The following FBN3 variants were observed in gnomAD, a reference collection of about 807,000 sequenced individuals.
FBN3 encodes the protein fibrillin-3.
In FBN3, 234 loss-of-function variants were observed where a neutral mutation model predicts 330.1. The observed-to-expected ratio is 0.71, with a 90% CI of 0.64 to 0.79. FBN3 has a LOEUF of 0.79. FBN3 is among the 30% of genes least tolerant of loss of function. FBN3 has a pLI of 0.00. For missense variants in FBN3, 3,606 were observed against 3,886.9 expected (o/e 0.93, Z 1.92); for synonymous variants, 1,458 against 1,517.3 (o/e 0.96, Z 0.91).
chr19:8,127,048 GTTTTTTTTTTGTTTTT>G (rs1419864048), intron 18 of FBN3, among the ~76,000 whole-genome samples: 4 of 113,916 alleles, frequency 3.5e-5, no homozygotes, highest in Admixed American at 1.0e-4. Context: ...ATGCCAAACT[GTTTTTTTTTTGTTTTT>G]TTTTTTTTTT....
At chr19:8,083,800 T>TTTTGC (rs2081865672) in intron 56 of FBN3, among the ~76,000 whole-genome samples, 1 of 129,860 alleles carries the variant, frequency 7.7e-6, no homozygotes, top group Non-Finnish European at 1.8e-5. Context: ...GTCCTACTAT[T>TTTTGC]TTTTCTTTTT....
intron 37 of FBN3, among the ~76,000 whole-genome samples, chr19:8,106,922 A>G (rs1568403536): frequency 6.6e-6 from 1 of 150,596 alleles, no homozygotes; most frequent in Non-Finnish European, 1.5e-5. Context: ...GAATAGATGG[A>G]TAGAAGAATG....
intron 13 of FBN3, 84 bp from the exon 14 acceptor site, chr19:8,133,190 C>T (rs1275406710): frequency 2.8e-6 from 4 of 1,448,452 alleles, no homozygotes; most frequent in Non-Finnish European, 3.7e-6. Context: ...AGGGCTGACC[C>T]CCCAGGATCC....
In FBN3 at chr19:8,082,813, T is replaced by G. The variant is rs2081838033; in HGVS notation, c.7213+434A>C. On this transcript the variant is annotated intron_variant, in intron 57 of 63. Transcript: ENST00000600128. ...CTGGCCTGTTTTTTTTTTTCTTTCT[T>G]TCTTTTCTTTTGTTTTTCATTTTTT... Among the ~76,000 whole-genome samples, 3 of 151,608 alleles carry G rather than the reference T, an allele frequency of 2.0e-5. No individual in the cohort carries two copies. The South Asian group carries it at 6.3e-4, about 32-fold the overall frequency.
At chr19:8,085,052 T>C (rs1342894940) in intron 56 of FBN3, among the ~76,000 whole-genome samples, 1 of 151,972 alleles carries the variant, frequency 6.6e-6, no homozygotes, top group African/African-American at 2.4e-5. Context: ...GAGGCAGAGG[T>C]TGCAGTGAGC....
intron 36 of FBN3, 47 bp from the exon 37 acceptor site, chr19:8,108,285 CT>C: frequency 6.7e-7 from 1 of 1,497,660 alleles, no homozygotes; most frequent in Non-Finnish European, 9.1e-7. Context: ...TGGGGCAAAG[CT>C]TAGGGGAAAC....
intron 3 of FBN3, 101 bp downstream of exon 3, chr19:8,147,003 G>T (rs2083561086): frequency 9.2e-7 from 1 of 1,089,142 alleles, no homozygotes; most frequent in Non-Finnish European, 1.3e-6. Flanking sequence ...TTCAGCCAGA[G>T]GTCCCTGGCT....
rs1487065373 is a variant in FBN3, at chr19:8,097,333, C to T, written c.5243G>A (p.Cys1748Tyr). Residue 1748 changes from cysteine to tyrosine, a missense_variant, in exon 42 of 64, where the codon TGC (cysteine) becomes TAC (tyrosine). Physicochemically the swap from Cys to Tyr is radical, Grantham distance 194. Transcript: ENST00000600128. Reference protein sequence around the residue: ...INQIGSFRCECPAGFNYNSIL... With the variant: ...INQIGSFRCEYPAGFNYNSIL... ...GCTGTTGTAGTTGAAGCCTGCGGGG[C>T]ACTCGCAGCGGAAACTCCCGATCTG... is the stretch of plus-strand genomic sequence containing the variant. 13 of 1,610,128 alleles carry T rather than the reference C, an allele frequency of 8.1e-6. No individual in the cohort carries two copies. In the South Asian group the frequency reaches 1.4e-4, roughly 18 times the overall value.
At chr19:8,074,547 G>A (rs1342513996) in intron 61 of FBN3, among the ~76,000 whole-genome samples, 2 of 151,756 alleles carry the variant, frequency 1.3e-5, no homozygotes, top group Non-Finnish European at 2.9e-5. Context: ...ATGGTAGAGG[G>A]TGAAAGCTGC....
chr19:8,071,848 AG>A (rs950346468), intron 63 of FBN3, among the ~76,000 whole-genome samples, 199 bp downstream of exon 63: 8 of 94,128 alleles, frequency 8.5e-5, no homozygotes, highest in Non-Finnish European at 1.5e-4. Context: ...TGTCCCCCAG[AG>A]ACCCCCCCCA....
At chr19:8,135,936 G>GGGGGGGGGGGGGGGGCCCCCCCCCCCC in intron 13 of FBN3, 25 bp downstream of exon 13, 40 of 668,638 alleles carry the variant, frequency 6.0e-5, no homozygotes, top group East Asian at 1.2e-4. Context: ...GGAAGCCCCT[G>GGGGGGGGGGGGGGGGCCCCCCCCCCCC]CCCACCCGCC....
Position 8,089,941 on chromosome 19 carries a change from C to A in FBN3, c.6203G>T (p.Cys2068Phe). Residue 2068 changes from cysteine (C) to phenylalanine (F), a missense_variant, in exon 50 of 64, where the codon TGC (cysteine) becomes TTC (phenylalanine). Cys to Phe is a radical substitution (Grantham distance 205, BLOSUM62 -2). Transcript: ENST00000600128. Reference protein sequence around the residue: ...QEGSAAFQELCPFGHGAVPGP... With the variant: ...QEGSAAFQELFPFGHGAVPGP... ...TGGGACTGCCCCGTGGCCAAAGGGG[C>A]AGAGCTCCTGAAAGGCAGCTGGACG... The A allele has an allele frequency of 6.2e-7, 1 of 1,610,100 alleles. No individual in the cohort carries two copies. Among genetic ancestry groups the A allele is most frequent in the South Asian group, 1.1e-5 (1 of 90,472 alleles).
At position 8,121,251 on chromosome 19, in the gene FBN3, C is replaced by G. The variant is rs2082841608; in HGVS notation, c.3211+7G>C. The G allele has an allele frequency of 6.3e-7, 1 of 1,594,208 alleles. No individual in the cohort carries two copies. Among genetic ancestry groups the G allele is most frequent in the African/African-American group, 1.3e-5 (1 of 74,682 alleles). On this transcript the variant is annotated splice_region_variant and intron_variant, in intron 25 of 63. Transcript: ENST00000600128. This position sits in a 1 kb window ranked among gnomAD's most constrained non-coding sequence, Gnocchi z 4.5. ...GCCCACCACACCCCTGCCCGGCAGT[C>G]ACCGACCCATGCAGTTCTTCATCAG...
At chr19:8,087,050 C>A (rs1272838797) in intron 54 of FBN3, 27 bp downstream of exon 54, 3 of 1,597,876 alleles carry the variant, frequency 1.9e-6, no homozygotes, top group Non-Finnish European at 2.5e-6. Flanking sequence ...GAGTTTCCTG[C>A]ACCCATGAAG....
At chr19:8,076,601 T>C (rs1206774023) in intron 59 of FBN3, among the ~76,000 whole-genome samples, 1 of 152,240 alleles carries the variant, frequency 6.6e-6, no homozygotes, top group East Asian at 1.9e-4. Flanking sequence ...ATTGTTCCAC[T>C]GCACTCCAGT....
At chr19:8,087,360 C>T (rs1019119506) in intron 53 of FBN3, 149 bp from the exon 54 acceptor site, 6 of 855,436 alleles carry the variant, frequency 7.0e-6, no homozygotes, top group Admixed American at 7.1e-5. Context: ...AAGGGAGCCC[C>T]CAGCTCCTGC....
chr19:8,106,080 AC>A lies in FBN3; in HGVS notation c.4813+27del, dbSNP rs760534325. 39 of 1,613,122 alleles carry A rather than the reference AC, an allele frequency of 2.4e-5. No homozygotes were observed. The Middle Eastern group carries it at 8.2e-4, about 34-fold the overall frequency. ...GGCAGGGAGAGAGCGGAAGAGCCTG[AC>A]CCACCCCAAAGAGAATCCATGCTCA... On this transcript the variant is annotated intron_variant, in intron 38 of 63. Coordinates refer to ENST00000600128, the MANE Select transcript of FBN3 (RefSeq NM_032447.5).
At chr19:8,070,114 A>G (rs565632008) in intron 63 of FBN3, among the ~76,000 whole-genome samples, 38 of 152,282 alleles carry the variant, frequency 2.5e-4, no homozygotes, top group Admixed American at 7.2e-4. Flanking sequence ...ATGGGATAAT[A>G]TATACATCCA....
At chr19:8,085,281 C>G in intron 56 of FBN3, 82 bp downstream of exon 56, 2 of 1,169,410 alleles carry the variant, frequency 1.7e-6, no homozygotes, top group Non-Finnish European at 2.4e-6. Context: ...ATTCCAGCAC[C>G]TGCTGCAGTA....
Sources: allele counts gnomAD v4.1 joint callset (sites outside exome capture counted in the v4.1 genomes callset), GRCh38; gene constraint gnomAD v4.1.1; non-coding constraint Gnocchi (gnomAD v3.1); transcripts MANE v1.5; gene names NCBI Gene and HGNC (gene_info 2026-07-23, HGNC 2026-07-21).